The following LRRTM4 variants were observed in gnomAD, a reference collection of about 807,000 sequenced individuals.
The protein encoded by LRRTM4 is leucine rich repeat transmembrane neuronal 4.
Under a neutral mutation model 47.6 loss-of-function variants are expected in LRRTM4, and 25 were observed. That is an observed-to-expected ratio of 0.53 (90% CI 0.38 to 0.73). The LOEUF is 0.73. LRRTM4 is among the 30% of genes least tolerant of loss of function. The pLI is 0.00. For synonymous variants in LRRTM4, 311 were observed against 269.5 expected (o/e 1.15, Z -1.51); for missense variants, 638 against 713.4 (o/e 0.89, Z 1.20).
chr2:77,347,940 T>G (rs1339812022), intron 3 of LRRTM4, among the ~76,000 whole-genome samples: 2 of 151,948 alleles, frequency 1.3e-5, no homozygotes, highest in Non-Finnish European at 2.9e-5. Flanking sequence ...CGTGTCATAT[T>G]ACATAATTGG....
chr2:76,842,996 A>T (rs1326919101), intron 3 of LRRTM4, among the ~76,000 whole-genome samples: 1 of 152,196 alleles, frequency 6.6e-6, no homozygotes, highest in Non-Finnish European at 1.5e-5. Context: ...ATGTTTCTTG[A>T]AAGAAATGGT....
chr2:77,055,112 G>C (rs1439005352), intron 3 of LRRTM4, among the ~76,000 whole-genome samples: 3 of 152,148 alleles, frequency 2.0e-5, no homozygotes, highest in Non-Finnish European at 2.9e-5. Flanking sequence ...GCTACTTAGA[G>C]TTACCACAAC....
chr2:77,314,335 A>G (rs1263905024), intron 3 of LRRTM4, among the ~76,000 whole-genome samples: 1 of 152,244 alleles, frequency 6.6e-6, no homozygotes, highest in Non-Finnish European at 1.5e-5. Context: ...AAAAATAAAT[A>G]TAAGTGCATT....
At chr2:77,063,242 G>A (rs1249666429) in intron 3 of LRRTM4, among the ~76,000 whole-genome samples, 1 of 152,138 alleles carries the variant, frequency 6.6e-6, no homozygotes, top group Non-Finnish European at 1.5e-5. Flanking sequence ...ATAGGCGTGA[G>A]CCACTGCGCC....
In LRRTM4 at chr2:77,160,943, C is replaced by A. The variant is rs538322533; in HGVS notation, c.1551+357375G>T. Among the ~76,000 whole-genome samples the A allele has an allele frequency of 3.3e-5, 5 of 152,180 alleles. No individual in the cohort carries two copies. The South Asian group carries it at 1.0e-3, about 32-fold the overall frequency. On this transcript the variant is annotated intron_variant, in intron 3 of 3. Transcript: ENST00000409884. ...CAGTCACTAATAACTGATTATCTTC[C>A]TGTCCTAGTTCCATGGCAGCCTACA...
rs751893866 is a variant in LRRTM4, at chr2:77,390,461, C to A, written c.1551+127857G>T. Among the ~76,000 whole-genome samples the A allele has an allele frequency of 2.6e-5, 4 of 151,950 alleles. No individual in the cohort carries two copies. In the South Asian group the frequency reaches 6.2e-4, roughly 24 times the overall value. On this transcript the variant is annotated intron_variant, in intron 3 of 3. Transcript: ENST00000409884. ...ACTCATGCAACTTTCATACAAATTG[C>A]ACATTGCAGTCAAGAAACATCTTGA...
At chr2:77,266,979 A>G (rs1462953478) in intron 3 of LRRTM4, among the ~76,000 whole-genome samples, 1 of 152,192 alleles carries the variant, frequency 6.6e-6, no homozygotes, top group African/African-American at 2.4e-5. Context: ...ACATTTGATC[A>G]AAGGGGTCCT....
intron 3 of LRRTM4, among the ~76,000 whole-genome samples, chr2:77,281,980 G>T (rs936035514): frequency 2.0e-5 from 3 of 151,854 alleles, no homozygotes; most frequent in Admixed American, 6.6e-5. Context: ...AACAAATTAT[G>T]TTGGTAGTTT....
chr2:77,343,873 C>T (rs1238424706), intron 3 of LRRTM4, among the ~76,000 whole-genome samples: 1 of 151,670 alleles, frequency 6.6e-6, no homozygotes, highest in African/African-American at 2.4e-5. Flanking sequence ...TATCTAAAAA[C>T]AAAGAAAAAG....
intron 3 of LRRTM4, among the ~76,000 whole-genome samples, chr2:76,752,071 G>A (rs973953887): frequency 6.6e-6 from 1 of 152,106 alleles, no homozygotes; most frequent in Non-Finnish European, 1.5e-5. Flanking sequence ...TTGTGGTTTT[G>A]TTCACCGTCT....
chr2:76,854,711 T>TA (rs1672096514), intron 3 of LRRTM4, among the ~76,000 whole-genome samples: 1 of 152,164 alleles, frequency 6.6e-6, no homozygotes, highest in African/African-American at 2.4e-5. Flanking sequence ...ATGTCGCTAC[T>TA]TACTTATTTT....
chr2:76,914,457 T>C (rs1674177115), intron 3 of LRRTM4, among the ~76,000 whole-genome samples: 1 of 152,136 alleles, frequency 6.6e-6, no homozygotes, highest in South Asian at 2.1e-4. Flanking sequence ...ATATTTTTTG[T>C]AAAGTGTCAA....
At chr2:77,295,706 G>T (rs1676953814) in intron 3 of LRRTM4, among the ~76,000 whole-genome samples, 1 of 152,090 alleles carries the variant, frequency 6.6e-6, no homozygotes, top group Non-Finnish European at 1.5e-5. Flanking sequence ...CTTGTAGGTG[G>T]CCATCTCCTC....
intron 3 of LRRTM4, among the ~76,000 whole-genome samples, chr2:77,220,590 G>T (rs1235860092): frequency 6.6e-6 from 1 of 152,170 alleles, no homozygotes; most frequent in East Asian, 1.9e-4. Flanking sequence ...TGATCAACTG[G>T]AAGAAAGGGT....
intron 3 of LRRTM4, among the ~76,000 whole-genome samples, chr2:76,905,814 C>T (rs137857235): frequency 0.15 from 22,253 of 151,926 alleles, 2,031 homozygotes; most frequent in Admixed American, 0.22. Flanking sequence ...AAAAAAGAAA[C>T]GAACAAAGCC....
In LRRTM4 at chr2:77,191,992, T is replaced by C. The variant is rs563638215; in HGVS notation, c.1551+326326A>G. On this transcript the variant is annotated intron_variant, in intron 3 of 3. Transcript: ENST00000409884. ...AAAGGTCAGAATAAAGACATCCAAC[T>C]AGTAAATAAGACATAGTATACCTCC... Among the ~76,000 whole-genome samples, 164 of 152,124 alleles carry C rather than the reference T, an allele frequency of 1.1e-3. 1 individual carries two copies. Among genetic ancestry groups the C allele is most frequent in the African/African-American group, 3.8e-3 (156 of 41,534 alleles).
chr2:76,913,882 TG>T (rs1674155543), intron 3 of LRRTM4, among the ~76,000 whole-genome samples: 1 of 152,084 alleles, frequency 6.6e-6, no homozygotes, highest in Non-Finnish European at 1.5e-5. Context: ...TATTAGAAAA[TG>T]TATGAAATAA....
At chr2:77,058,361 A>C (rs1033826272) in intron 3 of LRRTM4, among the ~76,000 whole-genome samples, 8 of 152,176 alleles carry the variant, frequency 5.3e-5, no homozygotes, top group Non-Finnish European at 1.0e-4. Context: ...ATGAAAGCCA[A>C]GTCTACTGGC....
intron 3 of LRRTM4, among the ~76,000 whole-genome samples, chr2:76,749,688 T>A (rs1216792304): frequency 6.6e-6 from 1 of 152,204 alleles, no homozygotes; most frequent in African/African-American, 2.4e-5. Context: ...TCATTTAATA[T>A]AAAAAGCAGA....
Sources: allele counts gnomAD v4.1 joint callset (sites outside exome capture counted in the v4.1 genomes callset), GRCh38; gene constraint gnomAD v4.1.1; transcripts MANE v1.5; gene names NCBI Gene and HGNC (gene_info 2026-07-23, HGNC 2026-07-21).